Variants in FSCB observed in about 807,000 individuals in gnomAD.
The protein encoded by FSCB is fibrous sheath CABYR binding protein.
For synonymous variants in FSCB, 331 were observed against 336.6 expected (o/e 0.98, Z 0.18); for missense variants, 975 against 934.8 (o/e 1.04, Z -0.56).
Position 44,505,742 on chromosome 14 carries a change from T to C in FSCB, c.1246A>G (p.Thr416Ala). 5 of 1,613,536 alleles carry C rather than the reference T, an allele frequency of 3.1e-6. No individual in the cohort carries two copies. The highest frequency in any genetic ancestry group is 4.2e-6 in the Non-Finnish European group (5 of 1,179,870). Residue 416 changes from threonine to alanine, a missense_variant, in exon 1 of 1, where the codon ACT becomes GCT. By Grantham distance (58) the Thr-to-Ala change is moderately conservative. Coordinates refer to ENST00000340446, the MANE Select transcript of FSCB (RefSeq NM_032135.4). Reference sequence around the variant, plus strand: ...ACATCAGCAAGGGTCTCTTCAACAGTGGGAGGCTCTACTTTAGCTGGGGCC... The same window carrying C: ...ACATCAGCAAGGGTCTCTTCAACAGCGGGAGGCTCTACTTTAGCTGGGGCC... ...EEAPAKVEPP[T>A]VEETLADVQP... is the part of the protein sequence containing the mutation.
Position 44,506,118 on chromosome 14 carries a change from A to G in FSCB, c.870T>C (p.His290=), listed in dbSNP as rs1330284477. Residue 290 remains histidine (H), a synonymous_variant, in exon 1 of 1, where the codon CAT becomes CAC. Coordinates refer to ENST00000340446, the MANE Select transcript of FSCB (RefSeq NM_032135.4). The part of the protein sequence containing the change: ...KAEPRPAEET[H]VQVQPSTEET... ...CTTCAGTTGATGGCTGTACTTGGAC[A>G]TGGGTCTCTTCAGCAGGTCTGGGCT... The G allele has an allele frequency of 1.1e-5, 17 of 1,614,018 alleles. 1 individual carries two copies. The highest frequency in any genetic ancestry group is 3.3e-4 in the Middle Eastern group (2 of 6,084).
rs774866015 is a variant in FSCB, at chr14:44,504,904, G to T, written c.2084C>A (p.Thr695Asn). 3 of 1,613,998 alleles carry T rather than the reference G, an allele frequency of 1.9e-6. No individual in the cohort carries two copies. The highest frequency in any genetic ancestry group is 2.2e-5 in the South Asian group (2 of 91,062). ...LPAEETPIEE[T>N]LAAVHSPPAD... is the part of the protein sequence containing the mutation. ...TGGGGGAGAGTGTACTGCAGCAAGG[G>T]TCTCTTCTATAGGAGTCTCCTCAGC... Residue 695 changes from threonine to asparagine, a missense_variant, in exon 1 of 1, where the codon ACC becomes AAC. Coordinates refer to ENST00000340446, the MANE Select transcript of FSCB (RefSeq NM_032135.4).
chr14:44,505,970 CTT>C, the FSCB span: 1 of 1,613,924 alleles, frequency 6.2e-7, no homozygotes, highest in Non-Finnish European at 8.5e-7. Flanking sequence ...GAAGGAGACT[CTT>C]CAGCTGATGG....
In FSCB at chr14:44,505,787, C is replaced by G. The variant is rs770263941; in HGVS notation, c.1201G>C (p.Ala401Pro). The G allele has an allele frequency of 6.2e-7, 1 of 1,614,040 alleles. No homozygotes were observed. The highest frequency in any genetic ancestry group is 1.1e-5 in the South Asian group (1 of 91,070). ...KAPIEVQPLPAEGALEEAPAK... is the reference protein window; with the variant it reads ...KAPIEVQPLPPEGALEEAPAK... ...GGGGCCTCTTCAAGGGCGCCCTCAG[C>G]TGGTAAAGGCTGTACTTCAATGGGA... The change falls in exon 1 of 1, where the codon GCT (alanine) becomes CCT (proline). Residue 401 changes from alanine to proline, a missense_variant. Physicochemically the swap from Ala to Pro is conservative, Grantham distance 27. Coordinates refer to ENST00000340446, the MANE Select transcript of FSCB (RefSeq NM_032135.4).
chr14:44,505,759 G>A lies in FSCB; in HGVS notation c.1229C>T (p.Ala410Val). ...TTCAACAGTGGGAGGCTCTACTTTA[G>A]CTGGGGCCTCTTCAAGGGCGCCCTC... ...PAEGALEEAP[A>V]KVEPPTVEET... Residue 410 changes from alanine (A) to valine (V), a missense_variant, in exon 1 of 1, where the codon GCT becomes GTT. Coordinates refer to ENST00000340446, the MANE Select transcript of FSCB (RefSeq NM_032135.4). 6.2e-7 allele frequency: 1 copy of A among 1,613,836 alleles called. No individual in the cohort carries two copies. Among genetic ancestry groups the A allele is most frequent in the South Asian group, 1.1e-5 (1 of 91,066 alleles).
chr14:44,505,915 G>A lies in FSCB; in HGVS notation c.1073C>T (p.Ser358Phe). The A allele has an allele frequency of 1.2e-6, 2 of 1,613,192 alleles. No homozygotes were observed. Among genetic ancestry groups the A allele is most frequent in the Non-Finnish European group, 1.7e-6 (2 of 1,179,244 alleles). The change falls in exon 1 of 1, where the codon TCC becomes TTC. Residue 358 changes from serine to phenylalanine, a missense_variant. By Grantham distance (155) the Ser-to-Phe change is radical. Coordinates refer to ENST00000340446, the MANE Select transcript of FSCB (RefSeq NM_032135.4). ...AEILPPSAEE[S>F]PSEEPPAEIL... ...TTCAGCAGGAGGCTCTTCTGAAGGG[G>A]ACTCTTCAGCTGATGGAGGCAGAAT...
At position 44,504,793 on chromosome 14, in the gene FSCB, C is replaced by T. The variant is rs745717451; in HGVS notation, c.2195G>A (p.Gly732Glu). The stretch of plus-strand genomic sequence containing the variant: ...AGGTGAAACTTCAGCAGAGGCCTCT[C>T]CTATAGGAAACTCCTCAGTCAGAAG... The part of the protein sequence containing the change: ...DLLLTEEFPI[G>E]EASAEVSPPP... Residue 732 changes from glycine (G) to glutamate (E), a missense_variant, in exon 1 of 1, where the codon GGA becomes GAA. By Grantham distance (98) the Gly-to-Glu change is moderately conservative. Transcript: ENST00000340446. The T allele has an allele frequency of 6.2e-7, 1 of 1,613,694 alleles. No homozygotes were observed. Among genetic ancestry groups the T allele is most frequent in the Admixed American group, 1.7e-5 (1 of 59,974 alleles).
rs1345048538 is a variant in FSCB, at chr14:44,505,898, G to A, written c.1090C>T (p.Pro364Ser). The change falls in exon 1 of 1, where the codon CCT becomes TCT. Residue 364 changes from proline (P) to serine (S), a missense_variant. By Grantham distance (74) the Pro-to-Ser change is moderately conservative (BLOSUM62 -1). Coordinates refer to ENST00000340446, the MANE Select transcript of FSCB (RefSeq NM_032135.4). ...SAEESPSEEP[P>S]AEILPPPAEK... ...GCTGGTGGAGGCAGAATTTCAGCAG[G>A]AGGCTCTTCTGAAGGGGACTCTTCA... The A allele has an allele frequency of 3.1e-6, 5 of 1,614,076 alleles. No homozygotes were observed. The African/African-American group carries it at 5.3e-5, about 17-fold the overall frequency.
rs1212192316 is a variant in FSCB at position 44,505,998 on chromosome 14, A to G, written c.990T>C (p.Pro330=). Residue 330 remains proline, a synonymous_variant, in exon 1 of 1, where the codon CCT becomes CCC. Coordinates refer to ENST00000340446, the MANE Select transcript of FSCB (RefSeq NM_032135.4). The stretch of plus-strand genomic sequence containing the variant: ...CAGCTGATGGAGGCTGAATTTCAGC[A>G]GGAAACTCCACTAAAGGGGCCTCTT... ...PAEEAPLVEF[P]AEIQPPSAEE... The G allele has an allele frequency of 6.2e-7, 1 of 1,614,178 alleles. No individual in the cohort carries two copies.
Position 44,505,266 on chromosome 14 carries a change from A to G in FSCB, c.1722T>C (p.Leu574=), listed in dbSNP as rs550825439. The G allele has an allele frequency of 7.4e-6, 12 of 1,612,916 alleles. No homozygotes were observed. In the South Asian group the frequency reaches 7.7e-5, roughly 10 times the overall value. Residue 574 remains leucine (L), a synonymous_variant, in exon 1 of 1, where the codon CTT becomes CTC. Transcript: ENST00000340446. The part of the protein sequence containing the change: ...AKGVSIEEAP[L]ELQPPSGEET... ...CTTCACCTGATGGAGGCTGAAGCTCAAGAGGGGCCTCTTCTATAGAAACTC... is the reference window on the plus strand; with the variant it reads ...CTTCACCTGATGGAGGCTGAAGCTCGAGAGGGGCCTCTTCTATAGAAACTC...
chr14:44,505,160 C>A lies in FSCB; in HGVS notation c.1828G>T (p.Val610Phe), dbSNP rs1358687796. ...EASAEEAPAE[V>F]QPPPAEEAPA... ...GCCTCCTCAGCTGGTGGAGGCTGAA[C>A]TTCAGCAGGAGCCTCTTCTGCAGAA... The change falls in exon 1 of 1, where the codon GTT becomes TTT. Residue 610 changes from valine (V) to phenylalanine (F), a missense_variant. Val to Phe is a conservative substitution (Grantham distance 50, BLOSUM62 -1). Coordinates refer to ENST00000340446, the MANE Select transcript of FSCB (RefSeq NM_032135.4). 2 of 1,611,098 alleles carry A rather than the reference C, an allele frequency of 1.2e-6. No individual in the cohort carries two copies. Among genetic ancestry groups the A allele is most frequent in the African/African-American group, 2.7e-5 (2 of 74,818 alleles).
Position 44,505,298 on chromosome 14 carries a change from C to G in FSCB, c.1690G>C (p.Ala564Pro). Residue 564 changes from alanine (A) to proline (P), a missense_variant, in exon 1 of 1, where the codon GCT becomes CCT. Transcript: ENST00000340446. ...EAPAEVQSPS[A>P]KGVSIEEAPL... ...GCCTCTTCTATAGAAACTCCCTTAG[C>G]TGATGGAGACTGAACTTCAGCAGGA... The G allele has an allele frequency of 6.2e-7, 1 of 1,612,982 alleles. No individual in the cohort carries two copies. The highest frequency in any genetic ancestry group is 1.1e-5 in the South Asian group (1 of 91,016).
rs372393712 is a variant in FSCB at position 44,506,270 on chromosome 14, C to A, written c.718G>T (p.Val240Leu). 6.2e-7 allele frequency: 1 copy of A among 1,614,150 alleles called. No homozygotes were observed. The highest frequency in any genetic ancestry group is 8.5e-7 in the Non-Finnish European group (1 of 1,180,004). ...GCAGAACCTTCTTGTACAACAGGTA[C>A]AGTTACTTCTTCCCTAAGCTCATCT... Reference protein sequence around the residue: ...LEDELREEVTVPVVQEGSAVK... With the variant: ...LEDELREEVTLPVVQEGSAVK... Residue 240 changes from valine (V) to leucine (L), a missense_variant, in exon 1 of 1, where the codon GTA becomes TTA. Val to Leu is a conservative substitution (Grantham distance 32). Transcript: ENST00000340446.
rs377510456 is a variant in FSCB, at chr14:44,506,106, C to T, written c.882G>A (p.Gln294=). ...CATCAGGAGTCTCTTCAGTTGATGGCTGTACTTGGACATGGGTCTCTTCAG... is the reference window on the plus strand; with the variant it reads ...CATCAGGAGTCTCTTCAGTTGATGGTTGTACTTGGACATGGGTCTCTTCAG... ...RPAEETHVQV[Q]PSTEETPDAE... Residue 294 remains glutamine, a synonymous_variant, in exon 1 of 1, where the codon CAG becomes CAA. Coordinates refer to ENST00000340446, the MANE Select transcript of FSCB (RefSeq NM_032135.4). 1.9e-6 allele frequency: 3 copies of T among 1,614,088 alleles called. No individual in the cohort carries two copies. The highest frequency in any genetic ancestry group is 1.7e-6 in the Non-Finnish European group (2 of 1,180,016).
chr14:44,506,436 A>T lies in FSCB; in HGVS notation c.552T>A (p.His184Gln). 6.2e-7 allele frequency: 1 copy of T among 1,614,170 alleles called. No individual in the cohort carries two copies. The highest frequency in any genetic ancestry group is 1.1e-5 in the South Asian group (1 of 91,076). ...STKSKEDALK[H>Q]KSSGKIFASE... ...TAGCAAAAATCTTTCCCGACGATTT[A>T]TGTTTCAGGGCATCTTCCTTTGACT... Residue 184 changes from histidine (H) to glutamine (Q), a missense_variant, in exon 1 of 1, where the codon CAT (histidine) becomes CAA (glutamine). Transcript: ENST00000340446.
In FSCB at chr14:44,507,265, T is replaced by C; in HGVS notation, c.-278A>G. The stretch of plus-strand genomic sequence containing the variant: ...CCTTATTCAGTAAGCGTCTTTCTTC[T>C]TTAGTCTCTGTTATAACTAAATATC... On this transcript the variant is annotated 5_prime_UTR_variant, in exon 1 of 1. Coordinates refer to ENST00000340446, the MANE Select transcript of FSCB (RefSeq NM_032135.4). 1 of 319,996 alleles carries C rather than the reference T, an allele frequency of 3.1e-6. No individual in the cohort carries two copies. Among genetic ancestry groups the C allele is most frequent in the East Asian group, 5.7e-5 (1 of 17,544 alleles). The allele number at this position is 319,996 out of a possible 1,614,324, so 19.8% of individuals were successfully genotyped here.
At position 44,505,033 on chromosome 14, in the gene FSCB, T is replaced by C. The variant is rs1458875574; in HGVS notation, c.1955A>G (p.Glu652Gly). The C allele has an allele frequency of 3.5e-6, 2 of 564,946 alleles. No homozygotes were observed. Among genetic ancestry groups the C allele is most frequent in the African/African-American group, 4.5e-5 (2 of 44,788 alleles). The allele number at this position is 564,946 out of a possible 1,614,324, so 35.0% of individuals were successfully genotyped here. The stretch of plus-strand genomic sequence containing the variant: ...AGGCTGAACTTCAGCGGGGGCCTCC[T>C]CAGCTGGTGGAGGCTGAACTTCAGC... ...APAEVQPPPA[E>G]EAPAEVQPPP... Residue 652 changes from glutamate to glycine, a missense_variant, in exon 1 of 1, where the codon GAG (glutamate) becomes GGG (glycine). Glu to Gly is a moderately conservative substitution (Grantham distance 98, BLOSUM62 -2). Transcript: ENST00000340446.
Position 44,506,129 on chromosome 14 carries a change from C to T in FSCB, c.859G>A (p.Glu287Lys), listed in dbSNP as rs759355542. 4 of 1,614,066 alleles carry T rather than the reference C, an allele frequency of 2.5e-6. No individual in the cohort carries two copies. Among genetic ancestry groups the T allele is most frequent in the Non-Finnish European group, 3.4e-6 (4 of 1,180,048 alleles). ...GGCTGTACTTGGACATGGGTCTCTTCAGCAGGTCTGGGCTCCGCTTTAGCA... is the reference window on the plus strand; with the variant it reads ...GGCTGTACTTGGACATGGGTCTCTTTAGCAGGTCTGGGCTCCGCTTTAGCA... Reference protein sequence around the residue: ...ATAKAEPRPAEETHVQVQPST... With the variant: ...ATAKAEPRPAKETHVQVQPST... Residue 287 changes from glutamate (E) to lysine (K), a missense_variant, in exon 1 of 1, where the codon GAA becomes AAA. By Grantham distance (56) the Glu-to-Lys change is moderately conservative (BLOSUM62 1). Transcript: ENST00000340446.
rs1202035298 is a variant in FSCB at position 44,506,656 on chromosome 14, C to T, written c.332G>A (p.Ser111Asn). 2.5e-6 allele frequency: 4 copies of T among 1,614,142 alleles called. No homozygotes were observed. In the South Asian group the frequency reaches 3.3e-5, roughly 13 times the overall value. ...VREAAIELPE[S>N]VQDVEIPPNI... ...TGGTGGAATTTCTACATCCTGAACA[C>T]TCTCTGGCAATTCAATAGCAGCTTC... The change falls in exon 1 of 1, where the codon AGT becomes AAT. Residue 111 changes from serine to asparagine, a missense_variant. Physicochemically the swap from Ser to Asn is conservative, Grantham distance 46. Transcript: ENST00000340446.
Sources: allele counts gnomAD v4.1 joint callset, GRCh38; gene constraint gnomAD v4.1.1; transcripts MANE v1.5; gene names NCBI Gene and HGNC (gene_info 2026-07-23, HGNC 2026-07-21).